Variants in TCHP observed in about 807,000 individuals in gnomAD.
TCHP encodes the protein trichoplein keratin filament binding.
In TCHP, 81 loss-of-function variants were observed where a neutral mutation model predicts 88.7. The ratio of observed to expected loss-of-function variants is 0.91; its 90% CI spans 0.76 to 1.10. The LOEUF is 1.10. TCHP is among the 50% of genes least tolerant of loss of function. The pLI is 0.00. For missense variants in TCHP, 641 were observed against 632.1 expected (o/e 1.01, Z -0.15); for synonymous variants, 232 against 232.5 (o/e 1.00, Z 0.02).
the TCHP span, among the ~76,000 whole-genome samples, chr12:109,888,951 C>G: frequency 6.6e-6 from 1 of 151,316 alleles, no homozygotes; most frequent in Non-Finnish European, 1.5e-5. Context: ...ATCTTAGTTA[C>G]TTGGGAGGCT....
chr12:109,894,039 C>T, the TCHP span, among the ~76,000 whole-genome samples: 1 of 151,972 alleles, frequency 6.6e-6, no homozygotes, highest in South Asian at 2.1e-4. Context: ...CAAACATTAG[C>T]CAGGCATGGT....
chr12:109,908,945 T>C lies in TCHP; in HGVS notation c.879+8T>C. The C allele has an allele frequency of 1.9e-6, 3 of 1,614,062 alleles. No individual in the cohort carries two copies. Among genetic ancestry groups the C allele is most frequent in the Non-Finnish European group, 8.5e-7 (1 of 1,179,904 alleles). The stretch of plus-strand genomic sequence containing the variant: ...CAGATCCAAGAGGAGCTGGTAAGTC[T>C]GAAGAGACAGCCTGACATCTTTCTT... On this transcript the variant is annotated splice_region_variant and intron_variant, in intron 8 of 12. Transcript: ENST00000405876.
At chr12:109,915,888 A>C (rs962126421) in intron 12 of TCHP, among the ~76,000 whole-genome samples, 3 of 152,152 alleles carry the variant, frequency 2.0e-5, no homozygotes, top group Admixed American at 2.0e-4. Context: ...TCAACTGTTG[A>C]GACAGTGAAG....
chr12:109,908,764 T>G (rs1284162527), intron 7 of TCHP, 66 bp downstream of exon 7: 1 of 1,557,914 alleles, frequency 6.4e-7, no homozygotes, highest in African/African-American at 1.4e-5. Flanking sequence ...CAGACTTGCA[T>G]TCGTGTTGCT....
Position 109,914,729 on chromosome 12 carries a change from C to T in TCHP, c.1320+102C>T, listed in dbSNP as rs533952225. 35 of 980,824 alleles carry T rather than the reference C, an allele frequency of 3.6e-5. No homozygotes were observed. In the South Asian group the frequency reaches 5.4e-4, roughly 15 times the overall value. The allele number at this position is 980,824 out of a possible 1,614,324, so 60.8% of individuals were successfully genotyped here. ...GCTGGACTGCCTGGCAGGGCTTGCGCACGTTTGAGAGCACGGTGCTCCCGT... is the reference window on the plus strand; with the variant it reads ...GCTGGACTGCCTGGCAGGGCTTGCGTACGTTTGAGAGCACGGTGCTCCCGT... On this transcript the variant is annotated intron_variant, in intron 11 of 12. Transcript: ENST00000405876.
At chr12:109,896,772 G>A (rs759412293), upstream of TCHP, among the ~76,000 whole-genome samples, 11 of 151,996 alleles carry the variant, frequency 7.2e-5, no homozygotes, top group African/African-American at 1.9e-4. Context: ...AAAATTAGCC[G>A]GACGTGGTGG....
chr12:109,909,543 G>C (rs1870363791), intron 8 of TCHP, among the ~76,000 whole-genome samples: 1 of 152,240 alleles, frequency 6.6e-6, no homozygotes, highest in African/African-American at 2.4e-5. Flanking sequence ...AGATCGGCCA[G>C]GTGCGGTGGC....
intron 8 of TCHP, 44 bp from the exon 9 acceptor site, chr12:109,911,019 G>C (rs1870450980): frequency 2.7e-6 from 4 of 1,468,902 alleles, no homozygotes; most frequent in Middle Eastern, 3.6e-4. Context: ...ATTGCAGAAG[G>C]ACTCTGTCCA....
rs375438947 is a variant in TCHP at position 109,915,477 on chromosome 12, C to T, written c.1395C>T (p.Val465=). Reference sequence around the variant, plus strand: ...AGGAAGAGGAGGAGGCCCGGCGGGTCGAGCAGCTCTCAGATGCCCTGCTGC... The same window carrying T: ...AGGAAGAGGAGGAGGCCCGGCGGGTTGAGCAGCTCTCAGATGCCCTGCTGC... The part of the protein sequence containing the change: ...EEEEEEEARR[V]EQLSDALLQQ... Residue 465 remains valine, a synonymous_variant, in exon 12 of 13, where the codon GTC becomes GTT. Transcript: ENST00000405876. The T allele has an allele frequency of 2.6e-5, 42 of 1,614,030 alleles. No individual in the cohort carries two copies. The highest frequency in any genetic ancestry group is 1.9e-4 in the African/African-American group (14 of 75,028).
chr12:109,894,951 G>C, the TCHP span, among the ~76,000 whole-genome samples: 1 of 151,536 alleles, frequency 6.6e-6, no homozygotes, highest in Non-Finnish European at 1.5e-5. Context: ...GGGTCGGGGG[G>C]TGAGTCGAGT....
intron 1 of TCHP, 27 bp from the exon 2 acceptor site, chr12:109,903,000 T>A: frequency 6.4e-7 from 1 of 1,571,216 alleles, no homozygotes; most frequent in Non-Finnish European, 8.6e-7. Flanking sequence ...TTGCAGTGGC[T>A]CACTTTCCTC....
chr12:109,891,316 G>A, the TCHP span, among the ~76,000 whole-genome samples: 1 of 151,822 alleles, frequency 6.6e-6, no homozygotes, highest in Admixed American at 6.6e-5. Context: ...ATGCTGTGTA[G>A]TTGAGTGAGT....
Position 109,911,088 on chromosome 12 carries a change from C to T in TCHP, c.905C>T (p.Ala302Val), listed in dbSNP as rs185515212. The change falls in exon 9 of 13, where the codon GCC becomes GTC. Residue 302 changes from alanine to valine, a missense_variant. By Grantham distance (64) the Ala-to-Val change is moderately conservative (BLOSUM62 0). Coordinates refer to ENST00000405876, the MANE Select transcript of TCHP (RefSeq NM_001143852.2). Reference protein sequence around the residue: ...ELEADRRILQALLEKEDESQR... With the variant: ...ELEADRRILQVLLEKEDESQR... ...GAGGCAGACAGGCGGATCCTGCAGG[C>T]CCTCCTCGAGAAGGAGGACGAGAGC... 26 of 1,593,120 alleles carry T rather than the reference C, an allele frequency of 1.6e-5. 1 individual carries two copies. The African/African-American group carries it at 3.3e-4, about 21-fold the overall frequency.
chr12:109,901,668 A>G (rs1168148198), intron 1 of TCHP, among the ~76,000 whole-genome samples: 4 of 152,222 alleles, frequency 2.6e-5, no homozygotes, highest in Non-Finnish European at 4.4e-5. Flanking sequence ...CTGCACCTGG[A>G]ACTGTTGTTT....
the TCHP span, among the ~76,000 whole-genome samples, chr12:109,890,331 TG>T: frequency 6.9e-6 from 1 of 145,952 alleles, no homozygotes; most frequent in East Asian, 2.0e-4. Flanking sequence ...TAGCTGGGCA[TG>T]GGGGCGCATG....
chr12:109,912,357 G>A (rs143890463), intron 9 of TCHP, among the ~76,000 whole-genome samples: 78 of 152,302 alleles, frequency 5.1e-4, no homozygotes, highest in African/African-American at 1.2e-3. Flanking sequence ...ACAGGCATGC[G>A]GTGGCAGGGT....
At chr12:109,888,154 G>A in the TCHP span, 1 of 152,262 alleles carries the variant, frequency 6.6e-6, no homozygotes, top group Non-Finnish European at 1.5e-5. Flanking sequence ...CCCACCTATT[G>A]GCTTTTGGAT....
In TCHP at chr12:109,907,517, C is replaced by T. The variant is rs1324542412; in HGVS notation, c.526-9C>T. The T allele has an allele frequency of 6.2e-7, 1 of 1,613,388 alleles. No individual in the cohort carries two copies. Among genetic ancestry groups the T allele is most frequent in the East Asian group, 2.2e-5 (1 of 44,888 alleles). ...AGATATTGACCTGTGTTCATTTGGTCCCTTGTAGCAAGAAGCCACCGCAGA... is the reference window on the plus strand; with the variant it reads ...AGATATTGACCTGTGTTCATTTGGTTCCTTGTAGCAAGAAGCCACCGCAGA... On this transcript the variant is annotated splice_polypyrimidine_tract_variant and intron_variant, in intron 5 of 12. Transcript: ENST00000405876.
At chr12:109,908,500 T>A in intron 6 of TCHP, 86 bp from the exon 7 acceptor site, 2 of 1,171,310 alleles carry the variant, frequency 1.7e-6, no homozygotes, top group Non-Finnish European at 2.5e-6. Flanking sequence ...GTGTAGTGTC[T>A]GCGAAAAATG....
Sources: gnomAD v4.1 joint callset for allele counts (sites outside exome capture counted in the v4.1 genomes callset) on GRCh38, gnomAD v4.1.1 for gene constraint, MANE v1.5 for transcripts, NCBI Gene and HGNC (gene_info 2026-07-23, HGNC 2026-07-21) for gene names.